Variants in EPHA8 observed in about 807,000 individuals in gnomAD.
EPHA8 encodes ephrin type-A receptor 8.
A neutral mutation model predicts 103.6 loss-of-function variants in EPHA8; 58 were observed. That is an observed-to-expected ratio of 0.56 (90% CI 0.45 to 0.70). EPHA8 has a LOEUF of 0.70. Ranked by LOEUF, EPHA8 falls within the 30% of genes least tolerant of loss-of-function variation. EPHA8 has a pLI of 0.00. For missense variants in EPHA8, 1,304 were observed against 1,395.2 expected, an observed-to-expected ratio of 0.93 and a Z score of 1.04; for synonymous variants, 559 against 572.5, an observed-to-expected ratio of 0.98 and a Z score of 0.34.
rs558742782 is a variant in EPHA8, at chr1:22,578,273, A to C, written c.823+1393A>C. ...GTGTCTGTATACCCGTGTGTGCATG[A>C]GTGCATGTGTACGTGTGCATGAGTC... is the stretch of plus-strand genomic sequence containing the variant. On this transcript the variant is annotated intron_variant, in intron 3 of 16. Transcript: ENST00000166244. Among the ~76,000 whole-genome samples the C allele has an allele frequency of 3.8e-4, 45 of 119,246 alleles. 1 individual carries two copies. The highest frequency in any genetic ancestry group is 1.4e-3 in the African/African-American group (43 of 29,686). 78.2% of individuals were successfully genotyped at this position (119,246 alleles called of 152,430 possible).
At chr1:22,572,554 A>G (rs1195062999) in intron 2 of EPHA8, among the ~76,000 whole-genome samples, 3 of 152,188 alleles carry the variant, frequency 2.0e-5, no homozygotes, top group East Asian at 1.9e-4. Context: ...GCTAATTAAC[A>G]TGGACTAACG....
Position 22,597,333 on chromosome 1 carries a change from C to G in EPHA8, c.1787C>G (p.Pro596Arg). ...TCAGCACCCCCACCTGTCTTCCTGC[C>G]TCTGCATCACCCCCCGGGAAAGCTC... ...NGQAPPPVFL[P>R]LHHPPGKLPE... Residue 596 changes from proline (P) to arginine (R), a missense_variant, in exon 10 of 17, where the codon CCT (proline) becomes CGT (arginine). Coordinates refer to ENST00000166244, the MANE Select transcript of EPHA8 (RefSeq NM_020526.5). This position sits in a 1 kb window ranked among gnomAD's most constrained non-coding sequence, Gnocchi z 4.6. 6.2e-7 allele frequency: 1 copy of G among 1,608,510 alleles called. No homozygotes were observed. The highest frequency in any genetic ancestry group is 8.5e-7 in the Non-Finnish European group (1 of 1,176,606).
chr1:22,601,607 G>A lies in EPHA8; in HGVS notation c.2904-20G>A. The A allele has an allele frequency of 6.3e-7, 1 of 1,583,892 alleles. No homozygotes were observed. Among genetic ancestry groups the A allele is most frequent in the Non-Finnish European group, 8.6e-7 (1 of 1,165,278 alleles). On this transcript the variant is annotated intron_variant, in intron 16 of 16. Coordinates refer to ENST00000166244, the MANE Select transcript of EPHA8 (RefSeq NM_020526.5). Reference sequence around the variant, plus strand: ...CCAGCCTCCCAGGCCCAGCTGGCCAGCAGCACCCTTCCTTCACAGGGACGT... The same window carrying A: ...CCAGCCTCCCAGGCCCAGCTGGCCAACAGCACCCTTCCTTCACAGGGACGT...
At position 22,601,461 on chromosome 1, in the gene EPHA8, G is replaced by C. The variant is rs202016361; in HGVS notation, c.2891G>C (p.Arg964Pro). The C allele has an allele frequency of 6.2e-7, 1 of 1,609,806 alleles. No homozygotes were observed. The highest frequency in any genetic ancestry group is 8.5e-7 in the Non-Finnish European group (1 of 1,179,750). ...GGYSSLGMVL[R>P]MNAQDVRALG... Reference sequence around the variant, plus strand: ...TACTCCTCTCTGGGCATGGTGCTACGCATGAACGCCCAGTGAGTGATGGGT... The same window carrying C: ...TACTCCTCTCTGGGCATGGTGCTACCCATGAACGCCCAGTGAGTGATGGGT... Residue 964 changes from arginine (R) to proline (P), a missense_variant, in exon 16 of 17, where the codon CGC becomes CCC. By Grantham distance (103) the Arg-to-Pro change is moderately radical. Transcript: ENST00000166244.
At chr1:22,566,313 C>G (rs1380640339) in intron 1 of EPHA8, among the ~76,000 whole-genome samples, 1 of 152,256 alleles carries the variant, frequency 6.6e-6, no homozygotes, top group East Asian at 1.9e-4. Flanking sequence ...GCCTCACCAT[C>G]ATGCGCTGCG....
At chr1:22,600,062 G>GA (rs1641667418) in intron 13 of EPHA8, among the ~76,000 whole-genome samples, 1 of 102,692 alleles carries the variant, frequency 9.7e-6, no homozygotes, top group African/African-American at 4.4e-5. Context: ...GGAAGGAAGG[G>GA]GGGATGGAGG....
Position 22,576,051 on chromosome 1 carries a change from C to A in EPHA8, c.160-166C>A, listed in dbSNP as rs893849294. Reference sequence around the variant, plus strand: ...AACACTTCCCCTGAAGATCGTGGCCCTCTTCGAGATCATGTCTGCAGGGGG... The same window carrying A: ...AACACTTCCCCTGAAGATCGTGGCCATCTTCGAGATCATGTCTGCAGGGGG... On this transcript the variant is annotated intron_variant, in intron 2 of 16. Transcript: ENST00000166244. This position sits in a 1 kb window ranked among gnomAD's most constrained non-coding sequence, Gnocchi z 4.8. Among the ~76,000 whole-genome samples the A allele has an allele frequency of 4.6e-5, 7 of 151,666 alleles. No individual in the cohort carries two copies. The highest frequency in any genetic ancestry group is 7.4e-5 in the Non-Finnish European group (5 of 67,928).
In EPHA8 at chr1:22,576,470, A is replaced by C. The variant is rs975474573; in HGVS notation, c.413A>C (p.Gln138Pro). 4 of 1,614,122 alleles carry C rather than the reference A, an allele frequency of 2.5e-6. No homozygotes were observed. Among genetic ancestry groups the C allele is most frequent in the Non-Finnish European group, 2.5e-6 (3 of 1,180,040 alleles). ...ESDRDLGAST[Q>P]ESQFLKIDTI... is the part of the protein sequence containing the mutation. Reference sequence around the variant, plus strand: ...GACCGCGACCTGGGGGCCAGCACACAAGAAAGCCAGTTCCTCAAAATCGAC... The same window carrying C: ...GACCGCGACCTGGGGGCCAGCACACCAGAAAGCCAGTTCCTCAAAATCGAC... Residue 138 changes from glutamine (Q) to proline (P), a missense_variant, in exon 3 of 17, where the codon CAA becomes CCA. Transcript: ENST00000166244. The surrounding 1 kb of genome is among the most constrained non-coding windows in gnomAD (Gnocchi z 4.8).
At chr1:22,596,680 G>A (rs760346223) in intron 9 of EPHA8, among the ~76,000 whole-genome samples, 32 of 146,394 alleles carry the variant, frequency 2.2e-4, no homozygotes, top group Non-Finnish European at 3.8e-4. Context: ...TTTTTTTTCT[G>A]AGACAGAGTC....
chr1:22,586,685 G>A, intron 4 of EPHA8, 50 bp downstream of exon 4: 1 of 1,594,750 alleles, frequency 6.3e-7, no homozygotes, highest in Non-Finnish European at 8.6e-7. Flanking sequence ...GACTGGGCCG[G>A]GCCCCTGTGT....
chr1:22,595,358 C>T, intron 8 of EPHA8, 35 bp downstream of exon 8: 1 of 1,575,236 alleles, frequency 6.3e-7, no homozygotes, highest in Non-Finnish European at 8.7e-7. Context: ...CCAGCCCCTC[C>T]TCTCAAGCAC....
intron 9 of EPHA8, 123 bp downstream of exon 9, chr1:22,596,296 G>A: frequency 1.0e-6 from 1 of 955,144 alleles, no homozygotes; most frequent in Non-Finnish European, 1.6e-6. Context: ...AGCCCAAGAG[G>A]CAGATTCCAG....
In EPHA8 at chr1:22,601,851, C is replaced by A; in HGVS notation, c.*110C>A. ...AGGGCGGCCCCAGGCCTCTGCCCTC[C>A]TCTCAGGTGCTGGAGGAGCTGAAGG... On this transcript the variant is annotated 3_prime_UTR_variant, in exon 17 of 17. Transcript: ENST00000166244. The A allele has an allele frequency of 9.5e-7, 1 of 1,047,246 alleles. No individual in the cohort carries two copies. Among genetic ancestry groups the A allele is most frequent in the Non-Finnish European group, 1.4e-6 (1 of 721,134 alleles). The allele number at this position is 1,047,246 out of a possible 1,614,324, so 64.9% of individuals were successfully genotyped here.
chr1:22,600,602 G>A lies in EPHA8; in HGVS notation c.2389-59G>A, dbSNP rs1436094286. On this transcript the variant is annotated intron_variant, in intron 13 of 16. Coordinates refer to ENST00000166244, the MANE Select transcript of EPHA8 (RefSeq NM_020526.5). The stretch of plus-strand genomic sequence containing the variant: ...AGTGTTTAGCTCTCTGACTCAGACG[G>A]CTCGGGGGACACCCTGCCAGGCCTG... 3.8e-6 allele frequency: 6 copies of A among 1,596,278 alleles called. No individual in the cohort carries two copies. In the African/African-American group the frequency reaches 8.0e-5, roughly 21 times the overall value.
At chr1:22,593,108 C>T (rs970757307) in intron 5 of EPHA8, among the ~76,000 whole-genome samples, 3 of 152,226 alleles carry the variant, frequency 2.0e-5, no homozygotes, top group Admixed American at 2.0e-4. Flanking sequence ...CATCCCAGAC[C>T]ATGCCAGGCC....
intron 1 of EPHA8, among the ~76,000 whole-genome samples, chr1:22,564,268 T>G (rs1640287385): frequency 7.1e-6 from 1 of 140,134 alleles, no homozygotes; most frequent in African/African-American, 2.7e-5. Context: ...AGGACTGGCT[T>G]TGAGGGGAGG....
At chr1:22,578,257 TACCC>T in intron 3 of EPHA8, among the ~76,000 whole-genome samples, 1 of 145,668 alleles carries the variant, frequency 6.9e-6, no homozygotes, top group Middle Eastern at 3.6e-3. Context: ...TGTGTCTGTA[TACCC>T]GTGTGTGCAT....
At chr1:22,571,645 G>A (rs771195108) in intron 2 of EPHA8, among the ~76,000 whole-genome samples, 1 of 152,204 alleles carries the variant, frequency 6.6e-6, no homozygotes, top group African/African-American at 2.4e-5. Context: ...GGAATGAGAT[G>A]CCTGATTTCC....
rs756141499 is a variant in EPHA8 at position 22,589,289 on chromosome 1, C to G, written c.1315+83C>G. ...ACCCATCCAGGGATCAGAGCTCTGC[C>G]GGGGACGTGCTGTGGGCCTTTAGGC... On this transcript the variant is annotated intron_variant, in intron 5 of 16. Transcript: ENST00000166244. This position sits in a 1 kb window ranked among gnomAD's most constrained non-coding sequence, Gnocchi z 4.3. 6.2e-7 allele frequency: 1 copy of G among 1,613,338 alleles called. No individual in the cohort carries two copies. Among genetic ancestry groups the G allele is most frequent in the Non-Finnish European group, 8.5e-7 (1 of 1,179,858 alleles).
Sources: gnomAD v4.1 joint callset for allele counts (sites outside exome capture counted in the v4.1 genomes callset) on GRCh38, gnomAD v4.1.1 for gene constraint, Gnocchi (gnomAD v3.1) non-coding constraint, MANE v1.5 for transcripts, NCBI Gene and HGNC (gene_info 2026-07-23, HGNC 2026-07-21) for gene names.